Variants in AFDN observed in about 807,000 individuals in gnomAD.
AFDN encodes the protein afadin, adherens junction formation factor.
A neutral mutation model predicts 216.6 loss-of-function variants in AFDN; 68 were observed. The ratio of observed to expected loss-of-function variants is 0.31; its 90% CI spans 0.26 to 0.38. AFDN has a LOEUF of 0.38. AFDN is among the 10% of genes least tolerant of loss of function. The pLI is 1.00. For missense variants in AFDN, 2,136 were observed against 2,342.0 expected (o/e 0.91, Z 1.82); for synonymous variants, 868 against 853.7 (o/e 1.02, Z -0.29).
At chr6:167,939,924 G>C (rs1794479883) in intron 23 of AFDN, among the ~76,000 whole-genome samples, 1 of 152,306 alleles carries the variant, frequency 6.6e-6, no homozygotes, top group Non-Finnish European at 1.5e-5. Context: ...AATTCAGAAA[G>C]TTGCTGTTTA....
intron 31 of AFDN, chr6:167,964,976 C>G: frequency 9.5e-7 from 1 of 1,052,204 alleles, no homozygotes; most frequent in Non-Finnish European, 1.1e-6. Context: ...AGATGTATGT[C>G]AGAAAAAAAT....
intron 8 of AFDN, among the ~76,000 whole-genome samples, chr6:167,892,999 C>T (rs973489235): frequency 1.3e-5 from 2 of 152,190 alleles, no homozygotes; most frequent in Admixed American, 6.5e-5. Context: ...AGTTCCTTCC[C>T]GCCTTCAGGT....
Position 167,827,140 on chromosome 6 carries a change from CG to C in AFDN, c.11del (p.Gly4AlafsTer39). On this transcript the variant is annotated frameshift_variant, in exon 1 of 34. Coordinates refer to ENST00000683244, the MANE Select transcript of AFDN (RefSeq NM_001386888.1). LOFTEE classifies it high-confidence loss of function. MS[A>X]GGRDEERRKL... ...GGAGGCGCGGCCAGGACCATGTCGG[CG>C]GGCGGCCGTGACGAGGAGCGGCGGA... The C allele has an allele frequency of 7.8e-7, 1 of 1,285,740 alleles. No homozygotes were observed. 79.6% of individuals were successfully genotyped at this position (1,285,740 alleles called of 1,614,324 possible).
intron 8 of AFDN, among the ~76,000 whole-genome samples, chr6:167,891,800 A>G (rs776355944): frequency 5.9e-5 from 9 of 152,140 alleles, no homozygotes; most frequent in African/African-American, 2.2e-4. Context: ...ATTAAATGCT[A>G]TTATGTGACC....
At chr6:167,845,948 A>G (rs1277076828) in intron 1 of AFDN, among the ~76,000 whole-genome samples, 1 of 152,190 alleles carries the variant, frequency 6.6e-6, no homozygotes, top group Non-Finnish European at 1.5e-5. Context: ...ACAAGGTGGC[A>G]GGAGAGAAGT....
chr6:167,965,946 T>G lies in AFDN; in HGVS notation c.5158T>G (p.Ser1720Ala), dbSNP rs569502482. 1 of 1,479,882 alleles carries G rather than the reference T, an allele frequency of 6.8e-7. No homozygotes were observed. The highest frequency in any genetic ancestry group is 2.1e-5 in the Admixed American group (1 of 46,786). 91.7% of individuals were successfully genotyped at this position (1,479,882 alleles called of 1,614,324 possible). A position where few individuals can be genotyped will look rare whatever the true frequency, so the allele number is the denominator to read the frequency against. ...TCCTCCCCCGCCTCAGCGAAACGCC[T>G]CCTACCTCAAAACACAGGTCCTCTC... Reference protein sequence around the residue: ...APPPPPQRNASYLKTQVLSPD... With the variant: ...APPPPPQRNAAYLKTQVLSPD... Residue 1720 changes from serine (S) to alanine (A), a missense_variant, in exon 32 of 34, where the codon TCC (serine) becomes GCC (alanine). Physicochemically the swap from Ser to Ala is moderately conservative, Grantham distance 99. Coordinates refer to ENST00000683244, the MANE Select transcript of AFDN (RefSeq NM_001386888.1).
intron 1 of AFDN, 178 bp from the exon 2 acceptor site, chr6:167,864,373 T>C: frequency 1.3e-6 from 1 of 772,620 alleles, no homozygotes; most frequent in Non-Finnish European, 2.3e-6. Context: ...GTTAGTAACT[T>C]GTTCAAAGTC....
chr6:167,964,504 G>C (rs1797336359), intron 31 of AFDN: 1 of 1,065,716 alleles, frequency 9.4e-7, no homozygotes, highest in African/African-American at 1.6e-5. Flanking sequence ...TCTAAACACA[G>C]AGCAAGAAGA....
At chr6:167,965,326 G>A (rs1348628550) in intron 31 of AFDN, among the ~76,000 whole-genome samples, 1 of 152,212 alleles carries the variant, frequency 6.6e-6, no homozygotes. Flanking sequence ...TAGAAAGCCA[G>A]TGACAGCCTA....
chr6:167,849,842 G>A (rs1782102672), intron 1 of AFDN, among the ~76,000 whole-genome samples: 1 of 152,196 alleles, frequency 6.6e-6, no homozygotes, highest in African/African-American at 2.4e-5. Context: ...TGAACAGTGA[G>A]CTGGTTTCAT....
At chr6:167,923,561 T>C (rs897113496) in intron 22 of AFDN, among the ~76,000 whole-genome samples, 2 of 152,130 alleles carry the variant, frequency 1.3e-5, no homozygotes, top group African/African-American at 2.4e-5. Flanking sequence ...TGATGATCGT[T>C]CTTTTGTACC....
intron 1 of AFDN, among the ~76,000 whole-genome samples, chr6:167,832,033 G>A (rs1023047182): frequency 6.6e-6 from 1 of 152,188 alleles, no homozygotes; most frequent in Non-Finnish European, 1.5e-5. Context: ...AGGTTAGATT[G>A]AGTCTTGATT....
rs189369387 is a variant in AFDN at position 167,958,121 on chromosome 6, G to T, written c.4834-4312G>T. 3.9e-4 allele frequency among the ~76,000 whole-genome samples: 60 copies of T among 152,314 alleles called. No individual in the cohort carries two copies. In the East Asian group the frequency reaches 9.4e-3, roughly 24 times the overall value. On this transcript the variant is annotated intron_variant, in intron 30 of 33. Coordinates refer to ENST00000683244, the MANE Select transcript of AFDN (RefSeq NM_001386888.1). ...CCACACCTGACCTCAGTGAGAGGTT[G>T]TAGTCAAAGCTTCGTTTTATGTCCA...
intron 23 of AFDN, among the ~76,000 whole-genome samples, chr6:167,926,651 C>T (rs1047970753): frequency 3.3e-5 from 5 of 152,212 alleles, no homozygotes; most frequent in East Asian, 1.9e-4. Context: ...AGGCTGATCT[C>T]GATCAAACTC....
At chr6:167,917,874 G>A (rs1238243698) in intron 20 of AFDN, among the ~76,000 whole-genome samples, 1 of 152,162 alleles carries the variant, frequency 6.6e-6, no homozygotes. Context: ...AGAAATATGT[G>A]AGAAAGAATG....
At chr6:167,963,922 G>C in intron 31 of AFDN, 1 of 1,064,676 alleles carries the variant, frequency 9.4e-7, no homozygotes. Context: ...TGCTTTTCCA[G>C]GTCAGTGCCA....
At chr6:167,838,337 G>C (rs1038670860) in intron 1 of AFDN, among the ~76,000 whole-genome samples, 7 of 68,226 alleles carry the variant, frequency 1.0e-4, no homozygotes, top group Non-Finnish European at 2.4e-4. Context: ...ATCTCGCTTA[G>C]TCCCTGTCCT....
chr6:167,910,568 G>A (rs1343280432), intron 13 of AFDN, among the ~76,000 whole-genome samples: 1 of 152,166 alleles, frequency 6.6e-6, no homozygotes, highest in Non-Finnish European at 1.5e-5. Context: ...TCTTTATAAG[G>A]CATGCGTCAC....
At position 167,827,075 on chromosome 6, in the gene AFDN, G is replaced by T. The variant is rs1359113646; in HGVS notation, c.-58G>T. On this transcript the variant is annotated 5_prime_UTR_variant, in exon 1 of 34. Transcript: ENST00000683244. ...GGCGCCGGGCCCCCGCGGACCTGTC[G>T]TCCTCGGCCCGTCCTCCGGCCCCGG... is the stretch of plus-strand genomic sequence containing the variant. 7.1e-5 allele frequency: 68 copies of T among 952,094 alleles called. No homozygotes were observed. The highest frequency in any genetic ancestry group is 8.8e-5 in the Non-Finnish European group (67 of 763,028). 59.0% of individuals were successfully genotyped at this position (952,094 alleles called of 1,614,324 possible). A position where few individuals can be genotyped will look rare whatever the true frequency, so the allele number is the denominator to read the frequency against.
Sources: gnomAD v4.1 joint callset for allele counts (sites outside exome capture counted in the v4.1 genomes callset) on GRCh38, gnomAD v4.1.1 for gene constraint, MANE v1.5 for transcripts, NCBI Gene and HGNC (gene_info 2026-07-23, HGNC 2026-07-21) for gene names.